FRMD4A: variants seen among roughly 807,000 people sequenced by gnomAD.
The protein encoded by FRMD4A is FERM domain-containing protein 4A.
Under a neutral mutation model 129.1 loss-of-function variants are expected in FRMD4A, and 29 were observed. The ratio of observed to expected loss-of-function variants is 0.22; its 90% CI spans 0.17 to 0.31. The LOEUF is 0.31. Ranked by LOEUF, FRMD4A falls within the 10% of genes least tolerant of loss-of-function variation. The pLI is 1.00. For synonymous variants in FRMD4A, 634 were observed against 571.6 expected (o/e 1.11, Z -1.56); for missense variants, 1,272 against 1,375.8 (o/e 0.92, Z 1.19).
intron 14 of FRMD4A, among the ~76,000 whole-genome samples, chr10:13,701,035 A>G (rs914387071): frequency 6.6e-6 from 1 of 152,100 alleles, no homozygotes; most frequent in Non-Finnish European, 1.5e-5. Context: ...TCACGCTGCT[A>G]GAGGATTCTC....
rs556683218 is a variant in FRMD4A, at chr10:14,256,404, G to C, written c.45+73654C>G. 1.3e-4 allele frequency among the ~76,000 whole-genome samples: 20 copies of C among 152,188 alleles called. 1 individual carries two copies. The South Asian group carries it at 4.2e-3, about 32-fold the overall frequency. The stretch of plus-strand genomic sequence containing the variant: ...TGCTATTCCACTAGAAATTACAATG[G>C]ACTGGACTCTAATAATTTCAAAATA... On this transcript the variant is annotated intron_variant, in intron 2 of 24. Coordinates refer to ENST00000357447, the MANE Select transcript of FRMD4A (RefSeq NM_018027.5).
chr10:14,296,144 A>C (rs1414585170), intron 2 of FRMD4A, among the ~76,000 whole-genome samples: 1 of 152,128 alleles, frequency 6.6e-6, no homozygotes, highest in Non-Finnish European at 1.5e-5. Flanking sequence ...AAATAGAGCC[A>C]AGGGAGACTG....
chr10:14,131,800 C>T (rs1336443603), intron 2 of FRMD4A, among the ~76,000 whole-genome samples: 7 of 152,198 alleles, frequency 4.6e-5, no homozygotes, highest in Non-Finnish European at 1.0e-4. Context: ...CCGCTAGAAG[C>T]TGTCCTAGCT....
chr10:14,120,579 G>A (rs557374077), intron 2 of FRMD4A, among the ~76,000 whole-genome samples: 1 of 152,174 alleles, frequency 6.6e-6, no homozygotes, highest in Non-Finnish European at 1.5e-5. Context: ...TGAGCTAAAC[G>A]TTTCCAGAGA....
intron 2 of FRMD4A, among the ~76,000 whole-genome samples, chr10:14,244,554 T>C (rs1179452404): frequency 6.6e-6 from 1 of 152,216 alleles, no homozygotes; most frequent in Non-Finnish European, 1.5e-5. Context: ...TTAAAGGTAG[T>C]TATAAACCAC....
At chr10:14,152,408 G>T (rs753510841) in intron 2 of FRMD4A, among the ~76,000 whole-genome samples, 1 of 152,058 alleles carries the variant, frequency 6.6e-6, no homozygotes, top group Non-Finnish European at 1.5e-5. Context: ...GATTACAGGC[G>T]TGAGCCACCG....
At chr10:13,713,995 T>TATATACATATAAA (rs2088403806) in intron 12 of FRMD4A, among the ~76,000 whole-genome samples, 3 of 71,290 alleles carry the variant, frequency 4.2e-5, no homozygotes, top group Non-Finnish European at 7.9e-5. Context: ...ACATATATAA[T>TATATACATATAAA]ATACATATAT....
At chr10:14,267,993 G>T (rs1845036056) in intron 2 of FRMD4A, among the ~76,000 whole-genome samples, 1 of 152,100 alleles carries the variant, frequency 6.6e-6, no homozygotes, top group Non-Finnish European at 1.5e-5. Context: ...ACTAATCTGG[G>T]TTTTAAAATT....
chr10:13,695,202 C>A (rs980791431), intron 14 of FRMD4A, among the ~76,000 whole-genome samples: 1 of 151,804 alleles, frequency 6.6e-6, no homozygotes, highest in Non-Finnish European at 1.5e-5. Flanking sequence ...GTGCAGTGGC[C>A]CAGTCTTGAC....
At chr10:13,810,789 T>C in intron 4 of FRMD4A, 25 bp downstream of exon 4, 1 of 1,249,094 alleles carries the variant, frequency 8.0e-7, no homozygotes, top group Non-Finnish European at 1.2e-6. Context: ...CCCTTCGGGC[T>C]GTGAGGGCTC....
intron 9 of FRMD4A, among the ~76,000 whole-genome samples, chr10:13,747,426 A>AT (rs1385342033): frequency 6.6e-6 from 1 of 151,494 alleles, no homozygotes; most frequent in African/African-American, 2.4e-5. Context: ...AATCCCAGCT[A>AT]CTCAGGAGGC....
intron 2 of FRMD4A, among the ~76,000 whole-genome samples, chr10:14,131,364 G>C (rs117643847): frequency 6.6e-6 from 1 of 151,664 alleles, no homozygotes; most frequent in Non-Finnish European, 1.5e-5. Context: ...CCAACCTTCC[G>C]GCTGCTTTAG....
intron 2 of FRMD4A, among the ~76,000 whole-genome samples, chr10:14,105,188 C>T (rs1268548825): frequency 1.3e-5 from 2 of 152,190 alleles, no homozygotes; most frequent in African/African-American, 4.8e-5. Flanking sequence ...TTCATGGTCA[C>T]TTGTTTTCTT....
At chr10:13,650,434 G>GTGTA (rs2081474726) in intron 24 of FRMD4A, among the ~76,000 whole-genome samples, 1 of 152,122 alleles carries the variant, frequency 6.6e-6, no homozygotes, top group Non-Finnish European at 1.5e-5. Flanking sequence ...GTATGTATTC[G>GTGTA]TGTATGTATG....
At chr10:14,250,000 G>A (rs1564417106) in intron 2 of FRMD4A, among the ~76,000 whole-genome samples, 1 of 152,074 alleles carries the variant, frequency 6.6e-6, no homozygotes, top group Non-Finnish European at 1.5e-5. Flanking sequence ...ACAGAGTTTT[G>A]TTCTCGTTGC....
chr10:13,868,621 G>T (rs1436034843), intron 2 of FRMD4A, among the ~76,000 whole-genome samples: 8 of 152,066 alleles, frequency 5.3e-5, no homozygotes, highest in Non-Finnish European at 8.8e-5. Context: ...TGGGCAACAT[G>T]GCAAAACCCA....
At chr10:13,967,279 G>A (rs763557495) in intron 2 of FRMD4A, among the ~76,000 whole-genome samples, 1 of 152,200 alleles carries the variant, frequency 6.6e-6, no homozygotes, top group Non-Finnish European at 1.5e-5. Flanking sequence ...GGAGCTTGCG[G>A]TGAGCTGAGA....
At chr10:13,714,359 G>A (rs1041886596) in intron 12 of FRMD4A, among the ~76,000 whole-genome samples, 2 of 151,134 alleles carry the variant, frequency 1.3e-5, no homozygotes, top group Non-Finnish European at 2.9e-5. Context: ...CAACATCCTG[G>A]CCCAGGTATA....
chr10:14,285,081 A>G (rs1172530839), intron 2 of FRMD4A, among the ~76,000 whole-genome samples: 2 of 152,248 alleles, frequency 1.3e-5, no homozygotes, highest in Non-Finnish European at 2.9e-5. Flanking sequence ...CAATAATCTA[A>G]ATATCTAAGA....
Sources: gnomAD v4.1 joint callset for allele counts (sites outside exome capture counted in the v4.1 genomes callset) on GRCh38, gnomAD v4.1.1 for gene constraint, MANE v1.5 for transcripts, NCBI Gene and HGNC (gene_info 2026-07-23, HGNC 2026-07-21) for gene names.